Variants in MTF2 observed in about 807,000 individuals in gnomAD.
The protein encoded by MTF2 is metal-response element-binding transcription factor 2.
Under a neutral mutation model 79.5 loss-of-function variants are expected in MTF2, and 11 were observed. The observed-to-expected ratio is 0.14, with a 90% CI of 0.09 to 0.23. The LOEUF (loss-of-function observed/expected upper bound fraction) is 0.23. MTF2 is among the 10% of genes least tolerant of loss of function. The pLI is 1.00. For synonymous variants in MTF2, 208 were observed against 232.8 expected, an observed-to-expected ratio of 0.89 and a Z score of 0.97; for missense variants, 486 against 711.2, an observed-to-expected ratio of 0.68 and a Z score of 3.60.
At chr1:93,122,359 A>ACT (rs1364002632) in intron 9 of MTF2, among the ~76,000 whole-genome samples, 1 of 152,086 alleles carries the variant, frequency 6.6e-6, no homozygotes, top group Non-Finnish European at 1.5e-5. Flanking sequence ...TAATATAAAA[A>ACT]CTCAAGTTGT....
chr1:93,124,517 A>G (rs976024765), intron 9 of MTF2, among the ~76,000 whole-genome samples: 1 of 152,054 alleles, frequency 6.6e-6, no homozygotes, highest in African/African-American at 2.4e-5. Flanking sequence ...ATGGAGTGCT[A>G]CTTCACTTCT....
intron 11 of MTF2, among the ~76,000 whole-genome samples, chr1:93,131,737 T>C (rs1289431553): frequency 6.6e-6 from 1 of 152,092 alleles, no homozygotes; most frequent in Non-Finnish European, 1.5e-5. Context: ...TGTGTGTAAG[T>C]AGGAATGATC....
At chr1:93,107,163 C>T (rs947384652) in intron 1 of MTF2, among the ~76,000 whole-genome samples, 1 of 152,136 alleles carries the variant, frequency 6.6e-6, no homozygotes, top group Non-Finnish European at 1.5e-5. Flanking sequence ...TGTGTACTAA[C>T]GGTAAAAAAT....
At chr1:93,131,488 G>GT (rs1656915036) in intron 11 of MTF2, among the ~76,000 whole-genome samples, 1 of 152,110 alleles carries the variant, frequency 6.6e-6, no homozygotes, top group African/African-American at 2.4e-5. Context: ...CTTCTCCTGC[G>GT]TATCAGGGAC....
At chr1:93,124,454 C>G (rs1656611020) in intron 9 of MTF2, among the ~76,000 whole-genome samples, 1 of 151,972 alleles carries the variant, frequency 6.6e-6, no homozygotes, top group Non-Finnish European at 1.5e-5. Flanking sequence ...GTAATAACCA[C>G]TCTTCTGTGG....
At chr1:93,112,813 T>A (rs1432016249) in intron 3 of MTF2, among the ~76,000 whole-genome samples, 1 of 152,136 alleles carries the variant, frequency 6.6e-6, no homozygotes, top group Non-Finnish European at 1.5e-5. Context: ...AATATATACA[T>A]ATATGTTTGA....
chr1:93,097,511 T>C (rs1655338495), intron 1 of MTF2, among the ~76,000 whole-genome samples: 1 of 152,302 alleles, frequency 6.6e-6, no homozygotes, highest in South Asian at 2.1e-4. Context: ...ACTTGGAAAA[T>C]ATAAAGTATG....
intron 1 of MTF2, among the ~76,000 whole-genome samples, chr1:93,103,621 C>G (rs1655638292): frequency 6.6e-6 from 1 of 151,950 alleles, no homozygotes; most frequent in Admixed American, 6.6e-5. Flanking sequence ...TCATTTTTAA[C>G]TATATGTTTC....
intron 9 of MTF2, chr1:93,121,105 A>G: frequency 1.0e-6 from 1 of 980,584 alleles, no homozygotes; most frequent in Non-Finnish European, 1.2e-6. Context: ...GAATGGTGGG[A>G]TCTAATAATA....
Position 93,079,398 on chromosome 1 carries a change from G to A in MTF2, c.-129G>A. 8.6e-7 allele frequency: 1 copy of A among 1,164,710 alleles called. No individual in the cohort carries two copies. Among genetic ancestry groups the A allele is most frequent in the Non-Finnish European group, 1.3e-6 (1 of 781,404 alleles). 72.1% of individuals were successfully genotyped at this position (1,164,710 alleles called of 1,614,324 possible). On this transcript the variant is annotated 5_prime_UTR_variant, in exon 1 of 15. In the 5' UTR this introduces an upstream ATG that the reference lacks. Coordinates refer to ENST00000370298, the MANE Select transcript of MTF2 (RefSeq NM_007358.4). ...TGTCTCCAAGGACCTCGGTTTGTGCGTGCATATGTGCCGGGTACCCGGTGG... is the reference window on the plus strand; with the variant it reads ...TGTCTCCAAGGACCTCGGTTTGTGCATGCATATGTGCCGGGTACCCGGTGG...
chr1:93,118,305 A>G (rs2101070295), intron 6 of MTF2, 40 bp from the exon 7 acceptor site: 1 of 1,322,622 alleles, frequency 7.6e-7, no homozygotes. Context: ...TTCCCTTAAG[A>G]CAGGAATTTT....
At chr1:93,088,222 T>A (rs1412542484) in intron 1 of MTF2, among the ~76,000 whole-genome samples, 4 of 152,212 alleles carry the variant, frequency 2.6e-5, no homozygotes, top group Non-Finnish European at 2.9e-5. Flanking sequence ...TTTTATGTAG[T>A]GTAATCAACT....
At chr1:93,094,598 G>C (rs930808425) in intron 1 of MTF2, among the ~76,000 whole-genome samples, 4 of 151,672 alleles carry the variant, frequency 2.6e-5, no homozygotes, top group Non-Finnish European at 5.9e-5. Context: ...GTATTTTGCT[G>C]TTGCATCCCC....
chr1:93,094,309 T>C (rs904199763), intron 1 of MTF2, among the ~76,000 whole-genome samples: 2 of 152,190 alleles, frequency 1.3e-5, no homozygotes, highest in African/African-American at 4.8e-5. Flanking sequence ...CACCCCAGGG[T>C]CAAAAGTAGA....
In MTF2 at chr1:93,086,496, C is replaced by CAAA. The variant is rs10648696; in HGVS notation, c.5+6983_5+6985dup. Among the ~76,000 whole-genome samples the CAAA allele has an allele frequency of 7.3e-4, 71 of 97,598 alleles. 1 individual carries two copies. Among genetic ancestry groups the CAAA allele is most frequent in the East Asian group, 5.6e-3 (19 of 3,402 alleles). The allele number at this position is 97,598 out of a possible 152,430, so 64.0% of individuals were successfully genotyped here. On this transcript the variant is annotated intron_variant, in intron 1 of 14. Transcript: ENST00000370298. ...CCTGGGTGACAGAGCGAGACTGTCT[C>CAAA]AAAAAAAAAAAAAAAAAAAAGATGA...
At chr1:93,081,987 A>G (rs1047421188) in intron 1 of MTF2, among the ~76,000 whole-genome samples, 3 of 152,162 alleles carry the variant, frequency 2.0e-5, no homozygotes, top group Admixed American at 6.5e-5. Flanking sequence ...TTCTTTTTGT[A>G]CATTTAAGAT....
chr1:93,107,758 GTCCT>G (rs1655860594), intron 1 of MTF2, among the ~76,000 whole-genome samples: 8 of 150,952 alleles, frequency 5.3e-5, no homozygotes, highest in Non-Finnish European at 1.0e-4. Context: ...TCTTGTGTCT[GTCCT>G]TCCTTCCATT....
chr1:93,123,210 C>CTTT (rs749700655), intron 9 of MTF2, among the ~76,000 whole-genome samples: 14 of 94,204 alleles, frequency 1.5e-4, no homozygotes, highest in East Asian at 5.9e-4. Context: ...TCAGCTCTTT[C>CTTT]TTTTTTTTTT....
chr1:93,111,445 T>G (rs1243773266), intron 3 of MTF2, among the ~76,000 whole-genome samples: 1 of 152,178 alleles, frequency 6.6e-6, no homozygotes, highest in Non-Finnish European at 1.5e-5. Context: ...ATTTAACAAT[T>G]GGGTTTTATA....
Sources: gnomAD v4.1 joint callset for allele counts (sites outside exome capture counted in the v4.1 genomes callset) on GRCh38, gnomAD v4.1.1 for gene constraint, MANE v1.5 for transcripts, NCBI Gene and HGNC (gene_info 2026-07-23, HGNC 2026-07-21) for gene names.